PRKG1: variants seen among roughly 807,000 people sequenced by gnomAD.
PRKG1 encodes cGMP-dependent protein kinase 1.
PRKG1 carries 35 observed loss-of-function variants against 88.1 expected under a neutral mutation model. That is an observed-to-expected ratio of 0.40 (90% CI 0.30 to 0.53). PRKG1 has a LOEUF of 0.53. Among genes scored for constraint, PRKG1 ranks in the 20% least tolerant of loss-of-function variants. The pLI is 0.59. For synonymous variants in PRKG1, 303 were observed against 292.5 expected (o/e 1.04, Z -0.37); for missense variants, 540 against 839.8 (o/e 0.64, Z 4.41).
chr10:51,118,478 T>G (rs1270360639), intron 1 of PRKG1, among the ~76,000 whole-genome samples: 1 of 152,110 alleles, frequency 6.6e-6, no homozygotes, highest in African/African-American at 2.4e-5. Flanking sequence ...AAGAAACCAT[T>G]AAAAATGATA....
At chr10:51,147,889 T>C (rs1311556276) in intron 1 of PRKG1, among the ~76,000 whole-genome samples, 1 of 152,174 alleles carries the variant, frequency 6.6e-6, no homozygotes, top group Non-Finnish European at 1.5e-5. Context: ...TGAGGGAATA[T>C]CTAAATTGGC....
At chr10:51,450,125 G>A (rs577526697) in intron 2 of PRKG1, among the ~76,000 whole-genome samples, 1 of 151,910 alleles carries the variant, frequency 6.6e-6, no homozygotes, top group African/African-American at 2.4e-5. Context: ...TTAATTTATT[G>A]CTGCTCAAGA....
intron 9 of PRKG1, among the ~76,000 whole-genome samples, chr10:52,213,804 C>A (rs1002359604): frequency 2.6e-5 from 4 of 152,132 alleles, no homozygotes; most frequent in African/African-American, 7.2e-5. Flanking sequence ...TTTTGAAATT[C>A]ACTTTGTATT....
At chr10:52,169,886 C>T (rs537157021) in intron 9 of PRKG1, among the ~76,000 whole-genome samples, 31 of 152,124 alleles carry the variant, frequency 2.0e-4, no homozygotes, top group Non-Finnish European at 3.5e-4. Context: ...TAAGACTGAG[C>T]AAGTGGTTCT....
At chr10:51,505,579 C>T (rs564649288) in intron 3 of PRKG1, among the ~76,000 whole-genome samples, 11 of 152,066 alleles carry the variant, frequency 7.2e-5, no homozygotes, top group Middle Eastern at 3.2e-3. Context: ...TGGTAGAATT[C>T]GGCTATGAAT....
At chr10:52,106,749 A>ATAAT (rs1554804710) in intron 7 of PRKG1, among the ~76,000 whole-genome samples, 13 of 148,172 alleles carry the variant, frequency 8.8e-5, no homozygotes, top group African/African-American at 3.2e-4. Flanking sequence ...AATAATAATA[A>ATAAT]AGTAAATAAA....
At chr10:51,223,631 T>A (rs1012941536) in intron 2 of PRKG1, among the ~76,000 whole-genome samples, 1 of 152,236 alleles carries the variant, frequency 6.6e-6, no homozygotes, top group South Asian at 2.1e-4. Flanking sequence ...ATAAATTTAA[T>A]GGCTGTATAA....
chr10:52,115,344 T>C (rs1847661756), intron 7 of PRKG1, among the ~76,000 whole-genome samples: 2 of 152,130 alleles, frequency 1.3e-5, no homozygotes, highest in Admixed American at 6.6e-5. Flanking sequence ...GTAGTCGATA[T>C]AAAGCCATTT....
chr10:52,007,131 T>C (rs74769245), intron 5 of PRKG1, among the ~76,000 whole-genome samples: 2,264 of 152,280 alleles, frequency 0.015, 46 homozygotes, highest in African/African-American at 0.052. Context: ...AAGGAAGCTC[T>C]ATGGAAAGGA....
chr10:51,194,288 A>G (rs1349459652), intron 2 of PRKG1, among the ~76,000 whole-genome samples: 1 of 150,250 alleles, frequency 6.7e-6, no homozygotes, highest in Non-Finnish European at 1.5e-5. Context: ...GTGCTGAATG[A>G]GCAGGTTTGT....
At chr10:51,509,413 T>C (rs1230884679) in intron 3 of PRKG1, among the ~76,000 whole-genome samples, 1 of 152,234 alleles carries the variant, frequency 6.6e-6, no homozygotes, top group Non-Finnish European at 1.5e-5. Flanking sequence ...TGTCACTGTT[T>C]TCATTTCTAC....
At chr10:51,205,447 C>G (rs1165436739) in intron 2 of PRKG1, among the ~76,000 whole-genome samples, 3 of 150,622 alleles carry the variant, frequency 2.0e-5, no homozygotes, top group African/African-American at 7.3e-5. Context: ...TGGGAATTTT[C>G]ATTTTCATCT....
intron 3 of PRKG1, among the ~76,000 whole-genome samples, chr10:51,688,322 A>T (rs903395025): frequency 6.6e-6 from 1 of 152,068 alleles, no homozygotes; most frequent in Non-Finnish European, 1.5e-5. Flanking sequence ...AATTAGCAAG[A>T]GATTAGGGTA....
chr10:52,080,229 G>C (rs907804004), intron 7 of PRKG1, among the ~76,000 whole-genome samples: 1 of 152,044 alleles, frequency 6.6e-6, no homozygotes, highest in Admixed American at 6.6e-5. Context: ...GCTATTTCAT[G>C]CTGCATCCAA....
intron 2 of PRKG1, among the ~76,000 whole-genome samples, chr10:51,256,297 CT>C (rs974323618): frequency 3.3e-5 from 5 of 152,012 alleles, no homozygotes; most frequent in African/African-American, 1.2e-4. Context: ...ATAAAGCCCA[CT>C]TTTTTTTAGT....
intron 1 of PRKG1, among the ~76,000 whole-genome samples, chr10:51,016,402 T>G (rs1554830009): frequency 1.3e-5 from 2 of 152,160 alleles, no homozygotes; most frequent in Non-Finnish European, 2.9e-5. Flanking sequence ...TATTATTTTT[T>G]GGCAGAAATG....
intron 1 of PRKG1, among the ~76,000 whole-genome samples, chr10:51,011,742 C>T (rs1350904918): frequency 6.6e-6 from 1 of 152,174 alleles, no homozygotes; most frequent in Non-Finnish European, 1.5e-5. Context: ...TTGCCTTACT[C>T]TGGGTTCAGT....
intron 3 of PRKG1, among the ~76,000 whole-genome samples, chr10:51,669,200 A>G (rs1840495382): frequency 6.6e-6 from 1 of 152,120 alleles, no homozygotes; most frequent in South Asian, 2.1e-4. Flanking sequence ...ACAGCCATTT[A>G]TTTTCCTATA....
At chr10:51,635,176 A>G (rs1839624625) in intron 3 of PRKG1, among the ~76,000 whole-genome samples, 1 of 152,018 alleles carries the variant, frequency 6.6e-6, no homozygotes, top group South Asian at 2.1e-4. Context: ...CTGTGCAGAG[A>G]ATATTGCACC....
Sources: gnomAD v4.1 joint callset for allele counts (sites outside exome capture counted in the v4.1 genomes callset) on GRCh38, gnomAD v4.1.1 for gene constraint, MANE v1.5 for transcripts, NCBI Gene and HGNC (gene_info 2026-07-23, HGNC 2026-07-21) for gene names.